The following GPC5 variants were observed in gnomAD, a reference collection of about 807,000 sequenced individuals.
GPC5 encodes the protein glypican 5.
In GPC5, 47 loss-of-function variants were observed where a neutral mutation model predicts 53.9. The ratio of observed to expected loss-of-function variants is 0.87; its 90% confidence interval spans 0.69 to 1.11. The LOEUF is 1.11. GPC5 is among the 50% of genes most tolerant of loss of function. The probability of loss-of-function intolerance (pLI) is 0.00; values close to 1 mark genes in which losing one functional copy is unlikely to be tolerated. For synonymous variants in GPC5, 286 were observed against 263.3 expected, an observed-to-expected ratio of 1.09 and a Z score of -0.84; for missense variants, 748 against 713.1, an observed-to-expected ratio of 1.05 and a Z score of -0.56.
intron 2 of GPC5, among the ~76,000 whole-genome samples, chr13:91,616,764 T>C (rs971610922): frequency 6.6e-6 from 1 of 152,196 alleles, no homozygotes; most frequent in Non-Finnish European, 1.5e-5. Flanking sequence ...TAAAGTGCTA[T>C]ATAAATTTAG....
chr13:91,859,895 G>A lies in GPC5; in HGVS notation c.1281-48042G>A, dbSNP rs142325846. 3.6e-4 allele frequency among the ~76,000 whole-genome samples: 54 copies of A among 151,944 alleles called. No individual in the cohort carries two copies. In the East Asian group the frequency reaches 9.7e-3, roughly 27 times the overall value. On this transcript the variant is annotated intron_variant, in intron 5 of 7. Transcript: ENST00000377067. Reference sequence around the variant, plus strand: ...CAATTTAACTCTATACCACAAATATGTAACTGTGTTATTGCCATTTTATTT... The same window carrying A: ...CAATTTAACTCTATACCACAAATATATAACTGTGTTATTGCCATTTTATTT...
At chr13:91,756,669 C>A (rs1211737955) in intron 5 of GPC5, among the ~76,000 whole-genome samples, 1 of 149,906 alleles carries the variant, frequency 6.7e-6, no homozygotes, top group Non-Finnish European at 1.5e-5. Context: ...GACTTACCAA[C>A]AATCCTACTT....
chr13:92,239,494 C>T (rs2042594137), intron 7 of GPC5, among the ~76,000 whole-genome samples: 1 of 151,880 alleles, frequency 6.6e-6, no homozygotes, highest in Admixed American at 6.6e-5. Context: ...TCATTTGGTT[C>T]CAATATATAC....
intron 7 of GPC5, among the ~76,000 whole-genome samples, chr13:92,651,101 A>C (rs1885943145): frequency 6.6e-6 from 1 of 152,094 alleles, no homozygotes; most frequent in Non-Finnish European, 1.5e-5. Flanking sequence ...TTATGGTTGC[A>C]CAGTATTCCA....
At chr13:92,647,526 G>A (rs1364517129) in intron 7 of GPC5, among the ~76,000 whole-genome samples, 1 of 152,054 alleles carries the variant, frequency 6.6e-6, no homozygotes, top group Non-Finnish European at 1.5e-5. Flanking sequence ...TTGAAGACAT[G>A]ACAAGGAATC....
At chr13:92,197,467 A>T (rs963557417) in intron 7 of GPC5, among the ~76,000 whole-genome samples, 2 of 152,042 alleles carry the variant, frequency 1.3e-5, no homozygotes, top group Admixed American at 6.6e-5. Context: ...CTTTGCTCAA[A>T]TCACTTGAAG....
chr13:91,561,111 A>G (rs1421476862), intron 2 of GPC5, among the ~76,000 whole-genome samples: 3 of 152,178 alleles, frequency 2.0e-5, no homozygotes, highest in African/African-American at 7.2e-5. Context: ...CTATCAGTTA[A>G]AATAGGAGTT....
intron 1 of GPC5, among the ~76,000 whole-genome samples, chr13:91,414,156 C>T (rs746473432): frequency 3.9e-5 from 6 of 152,166 alleles, no homozygotes; most frequent in Non-Finnish European, 7.3e-5. Flanking sequence ...ATAATCCCCA[C>T]GTGTTGTGGG....
At chr13:91,589,316 C>A (rs1176746944) in intron 2 of GPC5, among the ~76,000 whole-genome samples, 1 of 151,974 alleles carries the variant, frequency 6.6e-6, no homozygotes, top group Non-Finnish European at 1.5e-5. Context: ...TCCCCACTTC[C>A]TTTTCTTCCG....
chr13:91,984,845 G>A (rs7989697), intron 6 of GPC5, among the ~76,000 whole-genome samples: 80,533 of 151,974 alleles, frequency 0.53, 21,793 homozygotes, highest in East Asian at 0.75. Context: ...CATATTCTCC[G>A]TGATTTTAAT....
At chr13:92,742,865 C>T (rs1467475121) in intron 7 of GPC5, among the ~76,000 whole-genome samples, 2 of 152,034 alleles carry the variant, frequency 1.3e-5, no homozygotes, top group African/African-American at 4.8e-5. Context: ...TTGTTTTTGT[C>T]AGGTTTGTCA....
intron 6 of GPC5, chr13:91,996,236 T>G (rs1032127731): frequency 2.0e-5 from 3 of 152,274 alleles, no homozygotes; most frequent in African/African-American, 7.2e-5. Context: ...CTCCACGTTC[T>G]CACTTTTCCC....
chr13:92,621,940 CAATAAT>C (rs898099485), intron 7 of GPC5, among the ~76,000 whole-genome samples: 1 of 151,896 alleles, frequency 6.6e-6, no homozygotes, highest in Admixed American at 6.6e-5. Context: ...ACAAAAACAA[CAATAAT>C]AATAATAATA....
intron 7 of GPC5, among the ~76,000 whole-genome samples, chr13:92,395,419 G>A (rs1256404175): frequency 2.0e-5 from 3 of 152,040 alleles, no homozygotes; most frequent in South Asian, 4.1e-4. Flanking sequence ...TTATAGCACT[G>A]TTGTCATTTA....
At position 92,500,686 on chromosome 13, in the gene GPC5, T is replaced by G. The variant is rs1594254069; in HGVS notation, c.1561+355697T>G. On this transcript the variant is annotated intron_variant, in intron 7 of 7. Coordinates refer to ENST00000377067, the MANE Select transcript of GPC5 (RefSeq NM_004466.6). ...AGTAGTAGCAGCAGCAGTGAAGTCT[T>G]GCAGCTATCCAAGGAAGAGGCATCA... is the stretch of plus-strand genomic sequence containing the variant. Among the ~76,000 whole-genome samples, 4 of 152,156 alleles carry G rather than the reference T, an allele frequency of 2.6e-5. No individual in the cohort carries two copies. The South Asian group carries it at 8.3e-4, about 32-fold the overall frequency.
At chr13:92,512,305 T>C (rs1286889884) in intron 7 of GPC5, among the ~76,000 whole-genome samples, 5 of 152,140 alleles carry the variant, frequency 3.3e-5, no homozygotes, top group African/African-American at 9.7e-5. Flanking sequence ...ACATATTTTT[T>C]ACTATTTCCG....
intron 7 of GPC5, among the ~76,000 whole-genome samples, chr13:92,337,510 G>A (rs1566544910): frequency 6.6e-6 from 1 of 152,094 alleles, no homozygotes; most frequent in African/African-American, 2.4e-5. Flanking sequence ...AGAGAATATT[G>A]AAAGAGAACA....
intron 7 of GPC5, among the ~76,000 whole-genome samples, chr13:92,546,496 T>A (rs1180121453): frequency 1.3e-5 from 2 of 152,014 alleles, no homozygotes; most frequent in Admixed American, 1.3e-4. Context: ...AACTACAGAC[T>A]ACTGCTCAAT....
intron 5 of GPC5, among the ~76,000 whole-genome samples, chr13:91,769,497 C>G (rs1468972107): frequency 6.6e-6 from 1 of 152,088 alleles, no homozygotes; most frequent in African/African-American, 2.4e-5. Context: ...GATTGAGTAT[C>G]CAGGAAAACC....
Sources: allele counts gnomAD v4.1 joint callset (sites outside exome capture counted in the v4.1 genomes callset), GRCh38; gene constraint gnomAD v4.1.1; transcripts MANE v1.5; gene names NCBI Gene and HGNC (gene_info 2026-07-23, HGNC 2026-07-21).